The following PLCH1 variants were observed in gnomAD, a reference collection of about 807,000 sequenced individuals.
PLCH1 encodes phospholipase C eta 1.
Under a neutral mutation model 126.7 loss-of-function variants are expected in PLCH1, and 60 were observed. The ratio of observed to expected loss-of-function variants is 0.47; its 90% CI spans 0.38 to 0.59. PLCH1 has a LOEUF of 0.59. Among genes scored for constraint, PLCH1 ranks in the 20% least tolerant of loss-of-function variants. PLCH1 has a pLI of 0.00. For missense variants in PLCH1, 1,723 were observed against 2,040.0 expected (o/e 0.84, Z 2.99); for synonymous variants, 719 against 734.9 (o/e 0.98, Z 0.35).
Position 155,497,305 on chromosome 3 carries a change from ACT to A in PLCH1, c.1894+13_1894+14del. ...TGTTTATTCAGAGCAGAATGAGAAA[ACT>A]CTCCATCCTTACCGTCATCCACAAT... is the stretch of plus-strand genomic sequence containing the variant. On this transcript the variant is annotated intron_variant, in intron 15 of 22. Transcript: ENST00000460012. 6.5e-7 allele frequency: 1 copy of A among 1,531,906 alleles called. No individual in the cohort carries two copies. Among genetic ancestry groups the A allele is most frequent in the Non-Finnish European group, 9.0e-7 (1 of 1,107,860 alleles). The allele number at this position is 1,531,906 out of a possible 1,614,324, so 94.9% of individuals were successfully genotyped here. A position where few individuals can be genotyped will look rare whatever the true frequency, so the allele number is the denominator to read the frequency against.
At chr3:155,600,633 A>G (rs1577108400) in intron 2 of PLCH1, among the ~76,000 whole-genome samples, 1 of 151,642 alleles carries the variant, frequency 6.6e-6, no homozygotes, top group East Asian at 1.9e-4. Flanking sequence ...TTATTTGGAT[A>G]CAATGCAGCA....
chr3:155,645,601 C>T (rs1032507196), intron 2 of PLCH1, among the ~76,000 whole-genome samples: 9 of 152,164 alleles, frequency 5.9e-5, no homozygotes, highest in Non-Finnish European at 1.0e-4. Context: ...CCACCTCAGC[C>T]TCCCAAATAG....
At chr3:155,468,516 C>A (rs1297113856) in intron 21 of PLCH1, among the ~76,000 whole-genome samples, 1 of 152,070 alleles carries the variant, frequency 6.6e-6, no homozygotes, top group Admixed American at 6.6e-5. Context: ...CCTACACGGA[C>A]ACACATAGAC....
At chr3:155,599,849 C>T (rs536003005) in intron 2 of PLCH1, among the ~76,000 whole-genome samples, 3 of 152,320 alleles carry the variant, frequency 2.0e-5, no homozygotes, top group Admixed American at 1.3e-4. Flanking sequence ...TTCTCAGCTC[C>T]TTTTCCTTTC....
At chr3:155,621,632 C>G (rs7433135) in intron 2 of PLCH1, among the ~76,000 whole-genome samples, 73,902 of 151,938 alleles carry the variant, frequency 0.49, 20,351 homozygotes, top group African/African-American at 0.74. Context: ...TATCAATAGC[C>G]GAATCGATAA....
At chr3:155,473,829 G>T (rs1290813654) in intron 21 of PLCH1, among the ~76,000 whole-genome samples, 1 of 150,968 alleles carries the variant, frequency 6.6e-6, no homozygotes, top group African/African-American at 2.4e-5. Context: ...ATGGGGAAAG[G>T]ATTCCCTATT....
chr3:155,640,538 A>T (rs192801421), intron 2 of PLCH1, among the ~76,000 whole-genome samples: 34 of 152,336 alleles, frequency 2.2e-4, no homozygotes, highest in African/African-American at 8.2e-4. Flanking sequence ...GATTGCAATT[A>T]GGAGGCTTTT....
At chr3:155,491,330 C>T (rs1449327165) in intron 18 of PLCH1, among the ~76,000 whole-genome samples, 1 of 152,142 alleles carries the variant, frequency 6.6e-6, no homozygotes, top group Non-Finnish European at 1.5e-5. Flanking sequence ...GTGGCATGAT[C>T]TTAGCTCATG....
chr3:155,707,252 C>G (rs548403763), intron 1 of PLCH1, among the ~76,000 whole-genome samples: 1 of 152,136 alleles, frequency 6.6e-6, no homozygotes, highest in Non-Finnish European at 1.5e-5. Context: ...GTTATAGCAG[C>G]CCAAAATGAA....
chr3:155,622,664 C>CAGAG (rs1553859118), intron 2 of PLCH1, among the ~76,000 whole-genome samples: 9,250 of 151,370 alleles, frequency 0.061, 402 homozygotes, highest in Non-Finnish European at 0.09. Flanking sequence ...TCAAAAGAGA[C>CAGAG]AAGGGCATTA....
At chr3:155,574,070 C>T (rs182201886) in intron 6 of PLCH1, among the ~76,000 whole-genome samples, 19 of 152,214 alleles carry the variant, frequency 1.2e-4, no homozygotes, top group Non-Finnish European at 1.8e-4. Flanking sequence ...TGCATCACCA[C>T]GCCCAGATAA....
rs779951010 is a variant in PLCH1, at chr3:155,481,827, T to C, written c.4199A>G (p.Tyr1400Cys). ...AGAAGGGCGGAGGGTCTCTTTACAGTAGCCGTTTCTCAAACCTCTTTGAAA... is the reference window on the plus strand; with the variant it reads ...AGAAGGGCGGAGGGTCTCTTTACAGCAGCCGTTTCTCAAACCTCTTTGAAA... ...EHFQRGLRNG[Y>C]CKETLRPSVP... Residue 1400 changes from tyrosine (Y) to cysteine (C), a missense_variant, in exon 23 of 23, where the codon TAC becomes TGC. Tyr to Cys is a radical substitution (Grantham distance 194, BLOSUM62 -2). This residue lies in a region of PLCH1 where 947 missense variants were observed against 977.1 expected (regional missense o/e 0.97). Transcript: ENST00000460012. The surrounding 1 kb of genome is among the most constrained non-coding windows in gnomAD (Gnocchi z 4.2). 1.5e-5 allele frequency: 25 copies of C among 1,614,222 alleles called. No individual in the cohort carries two copies. In the South Asian group the frequency reaches 2.6e-4, roughly 17 times the overall value.
intron 6 of PLCH1, among the ~76,000 whole-genome samples, chr3:155,579,009 C>T (rs552432846): frequency 6.6e-6 from 1 of 152,258 alleles, no homozygotes; most frequent in Non-Finnish European, 1.5e-5. Context: ...CCATTTACTG[C>T]CATTAGATCA....
chr3:155,599,036 T>C (rs542804458), intron 2 of PLCH1, among the ~76,000 whole-genome samples: 65 of 112,284 alleles, frequency 5.8e-4, no homozygotes, highest in Non-Finnish European at 8.5e-4. Context: ...CATATGAAGA[T>C]ACAGCAAGAA....
chr3:155,694,893 C>T (rs543063209), intron 2 of PLCH1, among the ~76,000 whole-genome samples: 7 of 150,204 alleles, frequency 4.7e-5, no homozygotes, highest in Non-Finnish European at 8.9e-5. Context: ...TTTGATTATT[C>T]TCCTCATGTA....
intron 15 of PLCH1, among the ~76,000 whole-genome samples, chr3:155,496,592 T>G (rs2108110039): frequency 6.6e-6 from 1 of 152,320 alleles, no homozygotes; most frequent in East Asian, 1.9e-4. Context: ...TCACTAAAAC[T>G]TGTTGAGAAA....
chr3:155,728,394 G>A (rs1748503910), intron 1 of PLCH1, among the ~76,000 whole-genome samples: 1 of 151,998 alleles, frequency 6.6e-6, no homozygotes, highest in Admixed American at 6.6e-5. Context: ...TAAGCATTTT[G>A]CAAGTATTAT....
intron 2 of PLCH1, among the ~76,000 whole-genome samples, chr3:155,606,997 T>G (rs1734450950): frequency 6.6e-6 from 1 of 152,232 alleles, no homozygotes; most frequent in Admixed American, 6.5e-5. Flanking sequence ...ATTTACATCT[T>G]TAAAGAAATC....
chr3:155,697,287 A>G (rs982360192), intron 2 of PLCH1, among the ~76,000 whole-genome samples: 2 of 152,190 alleles, frequency 1.3e-5, no homozygotes, highest in Non-Finnish European at 1.5e-5. Flanking sequence ...CTAAAATGTT[A>G]GTGAACAAGG....
Sources: gnomAD v4.1 joint callset for allele counts (sites outside exome capture counted in the v4.1 genomes callset) on GRCh38, gnomAD v4.1.1 for gene constraint, gnomAD v4.1.1 regional missense constraint, Gnocchi (gnomAD v3.1) non-coding constraint, MANE v1.5 for transcripts, NCBI Gene and HGNC (gene_info 2026-07-23, HGNC 2026-07-21) for gene names.